The following CNTN5 variants were observed in gnomAD, a reference collection of about 807,000 sequenced individuals.
The protein encoded by CNTN5 is contactin-5.
In CNTN5, 77 loss-of-function variants were observed where a neutral mutation model predicts 129.1. That is an observed-to-expected ratio of 0.60 (90% confidence interval 0.50 to 0.72). The LOEUF (loss-of-function observed/expected upper bound fraction) is 0.72. CNTN5 is among the 30% of genes least tolerant of loss of function. The probability of loss-of-function intolerance (pLI) is 0.00; values close to 1 mark genes in which losing one functional copy is unlikely to be tolerated. For synonymous variants in CNTN5, 509 were observed against 465.6 expected, an observed-to-expected ratio of 1.09 and a Z score of -1.20; for missense variants, 1,478 against 1,328.8, an observed-to-expected ratio of 1.11 and a Z score of -1.75.
At chr11:99,206,300 A>G (rs10790534) in intron 1 of CNTN5, among the ~76,000 whole-genome samples, 72,910 of 151,546 alleles carry the variant, frequency 0.48, 17,964 homozygotes, top group Middle Eastern at 0.64. Flanking sequence ...TAGGAGGTAT[A>G]AGAAAGGACC....
chr11:99,814,544 G>A (rs1009027203), intron 3 of CNTN5, among the ~76,000 whole-genome samples: 1 of 151,918 alleles, frequency 6.6e-6, no homozygotes, highest in South Asian at 2.1e-4. Context: ...TCGACAGTTG[G>A]ACTTAAATTA....
At chr11:99,112,965 G>A (rs1176082650) in intron 1 of CNTN5, among the ~76,000 whole-genome samples, 2 of 151,744 alleles carry the variant, frequency 1.3e-5, no homozygotes, top group Admixed American at 6.6e-5. Context: ...TTTACAAATG[G>A]CATTATTTCT....
chr11:99,226,953 C>T (rs1860718690), intron 1 of CNTN5, among the ~76,000 whole-genome samples: 1 of 152,082 alleles, frequency 6.6e-6, no homozygotes. Context: ...GTATAAATCC[C>T]ATAAGGATTT....
intron 3 of CNTN5, among the ~76,000 whole-genome samples, chr11:99,803,282 C>T (rs540981592): frequency 1.1e-4 from 17 of 152,296 alleles, no homozygotes; most frequent in East Asian, 5.8e-4. Context: ...TCCAGTTCAC[C>T]GAGCTGGCCC....
intron 21 of CNTN5, among the ~76,000 whole-genome samples, chr11:100,324,278 C>A (rs1951749783): frequency 6.6e-6 from 1 of 152,080 alleles, no homozygotes; most frequent in South Asian, 2.1e-4. Flanking sequence ...CATTTATTTA[C>A]AGAAATAGCA....
chr11:99,170,390 T>C (rs72994348), intron 1 of CNTN5, among the ~76,000 whole-genome samples: 4,391 of 152,238 alleles, frequency 0.029, 110 homozygotes, highest in Middle Eastern at 0.082. Context: ...GACAGGTGGG[T>C]CTAATCTTGG....
rs1241963020 is a variant in CNTN5 at position 99,990,449 on chromosome 11, T to TACACACAC, written c.878-11584_878-11583insCACACACA. On this transcript the variant is annotated intron_variant, in intron 8 of 24. Transcript: ENST00000524871. ...TGGCTTCCCTTATTTTTAGAATATA[T>TACACACAC]ATATATACACACACACACACACACA... Among the ~76,000 whole-genome samples the TACACACAC allele has an allele frequency of 3.9e-3, 293 of 75,756 alleles. 2 individuals carry two copies. Among genetic ancestry groups the TACACACAC allele is most frequent in the African/African-American group, 0.014 (274 of 19,516 alleles). The allele number at this position is 75,756 out of a possible 152,430, so 49.7% of individuals were successfully genotyped here.
intron 7 of CNTN5, among the ~76,000 whole-genome samples, chr11:99,946,092 G>A (rs1035750638): frequency 1.3e-5 from 2 of 151,964 alleles, no homozygotes; most frequent in Non-Finnish European, 2.9e-5. Flanking sequence ...AGTATCTCTC[G>A]ATCTCATCTT....
At chr11:99,553,183 GT>G (rs1417809587) in intron 2 of CNTN5, among the ~76,000 whole-genome samples, 2 of 152,192 alleles carry the variant, frequency 1.3e-5, no homozygotes, top group African/African-American at 4.8e-5. Flanking sequence ...ATTGAAATAA[GT>G]TATTTTAAAA....
chr11:99,828,988 G>A (rs1015466560), intron 4 of CNTN5, among the ~76,000 whole-genome samples: 1 of 151,982 alleles, frequency 6.6e-6, no homozygotes, highest in Non-Finnish European at 1.5e-5. Flanking sequence ...ATTTATCATA[G>A]TAGTTAGATC....
rs117410925 is a variant in CNTN5, at chr11:99,354,538, C to T, written c.-71+29054C>T. ...GGATAATTTTTCTATGATGTTGTAACTGGAAATAATAAAAAGCAAAGGGGA... is the reference window on the plus strand; with the variant it reads ...GGATAATTTTTCTATGATGTTGTAATTGGAAATAATAAAAAGCAAAGGGGA... On this transcript the variant is annotated intron_variant, in intron 2 of 24. Transcript: ENST00000524871. Among the ~76,000 whole-genome samples the T allele has an allele frequency of 6.2e-3, 937 of 152,278 alleles. 12 individuals are homozygous for T. Among genetic ancestry groups the T allele is most frequent in the Non-Finnish European group, 7.9e-3 (539 of 68,022 alleles).
rs868434733 is a variant in CNTN5, at chr11:99,793,311, G to A, written c.56-26233G>A. Among the ~76,000 whole-genome samples the A allele has an allele frequency of 1.8e-4, 27 of 152,042 alleles. 1 individual carries two copies. Among genetic ancestry groups the A allele is most frequent in the African/African-American group, 5.6e-4 (23 of 41,384 alleles). On this transcript the variant is annotated intron_variant, in intron 3 of 24. Transcript: ENST00000524871. ...CCTGACCTCGTGATCCACCTGCCTC[G>A]GCCTCCCAAAGTGCTGGGATTACAG...
chr11:99,587,245 C>T (rs1313377957), intron 3 of CNTN5, among the ~76,000 whole-genome samples: 1 of 152,184 alleles, frequency 6.6e-6, no homozygotes, highest in Non-Finnish European at 1.5e-5. Flanking sequence ...CTATACTGCA[C>T]AGGATCTCCT....
intron 3 of CNTN5, 146 bp downstream of exon 3, chr11:99,556,415 C>A: frequency 4.3e-6 from 2 of 465,946 alleles, no homozygotes; most frequent in South Asian, 4.8e-5. Context: ...AGGCAGCAAC[C>A]CTTAAGCCGC....
chr11:99,508,662 CATAAT>C (rs1946717498), intron 2 of CNTN5, among the ~76,000 whole-genome samples: 1 of 150,948 alleles, frequency 6.6e-6, no homozygotes, highest in Non-Finnish European at 1.5e-5. Flanking sequence ...TTCAGCAACG[CATAAT>C]ATAATTTTTC....
At chr11:99,335,826 G>C (rs1253283753) in intron 2 of CNTN5, among the ~76,000 whole-genome samples, 1 of 152,108 alleles carries the variant, frequency 6.6e-6, no homozygotes, top group Non-Finnish European at 1.5e-5. Flanking sequence ...TTGAGGCAGA[G>C]AAGCAGGATG....
At chr11:99,524,017 T>G (rs527880830) in intron 2 of CNTN5, among the ~76,000 whole-genome samples, 2 of 152,272 alleles carry the variant, frequency 1.3e-5, no homozygotes, top group East Asian at 3.9e-4. Flanking sequence ...CTTTTTTTTC[T>G]GGCTGAAATT....
chr11:99,613,705 T>C (rs1033539772), intron 3 of CNTN5, among the ~76,000 whole-genome samples: 1 of 152,166 alleles, frequency 6.6e-6, no homozygotes, highest in African/African-American at 2.4e-5. Flanking sequence ...GATGATATAT[T>C]TGACAAAATA....
At chr11:99,699,856 C>T (rs1162071556) in intron 3 of CNTN5, among the ~76,000 whole-genome samples, 1 of 151,278 alleles carries the variant, frequency 6.6e-6, no homozygotes, top group East Asian at 1.9e-4. Context: ...CATAATAGGT[C>T]CCTATTGCTA....
Sources: gnomAD v4.1 joint callset for allele counts (sites outside exome capture counted in the v4.1 genomes callset) on GRCh38, gnomAD v4.1.1 for gene constraint, MANE v1.5 for transcripts, NCBI Gene and HGNC (gene_info 2026-07-23, HGNC 2026-07-21) for gene names.